DGCR2: variants seen among roughly 807,000 people sequenced by gnomAD.
DGCR2 encodes the protein integral membrane protein DGCR2/IDD.
In DGCR2, 24 loss-of-function variants were observed where a neutral mutation model predicts 51.6. That is an observed-to-expected ratio of 0.47 (90% CI 0.34 to 0.65). The LOEUF is 0.65. Among genes scored for constraint, DGCR2 ranks in the 30% least tolerant of loss-of-function variants. DGCR2 has a pLI of 0.01. For synonymous variants in DGCR2, 340 were observed against 315.4 expected (o/e 1.08, Z -0.82); for missense variants, 765 against 772.1 (o/e 0.99, Z 0.11).
chr22:19,114,411 G>T (rs1364726722), intron 1 of DGCR2, among the ~76,000 whole-genome samples: 1 of 152,238 alleles, frequency 6.6e-6, no homozygotes, highest in African/African-American at 2.4e-5. Flanking sequence ...AGGGTAGATG[G>T]GGAAATCCGA....
intron 1 of DGCR2, among the ~76,000 whole-genome samples, chr22:19,093,253 G>A (rs553667316): frequency 6.6e-6 from 1 of 151,874 alleles, no homozygotes; most frequent in East Asian, 1.9e-4. Flanking sequence ...CCAGCTACTC[G>A]GGAGGCTGAG....
In DGCR2 at chr22:19,037,402, T is replaced by G. The variant is rs1326998166; in HGVS notation, c.*1463A>C. ...GTCAAGAAGTGGACTGTGCATGGAG[T>G]CCATCCCCGAGCAGCACCACAGAAC... is the stretch of plus-strand genomic sequence containing the variant. On this transcript the variant is annotated 3_prime_UTR_variant, in exon 10 of 10. Coordinates refer to ENST00000263196, the MANE Select transcript of DGCR2 (RefSeq NM_005137.3). The G allele has an allele frequency of 1.3e-5, 2 of 151,702 alleles. No individual in the cohort carries two copies. Among genetic ancestry groups the G allele is most frequent in the African/African-American group, 4.8e-5 (2 of 41,242 alleles). 9.4% of individuals were successfully genotyped at this position (151,702 alleles called of 1,614,324 possible). A position where few individuals can be genotyped will look rare whatever the true frequency, so the allele number is the denominator to read the frequency against.
intron 7 of DGCR2, chr22:19,046,083 T>C (rs1423147289): frequency 6.6e-6 from 1 of 152,180 alleles, no homozygotes; most frequent in African/African-American, 2.4e-5. Flanking sequence ...TGCTAGAATT[T>C]TGGTTGGGAT....
intron 1 of DGCR2, among the ~76,000 whole-genome samples, chr22:19,095,977 A>C (rs7292122): frequency 8.2e-4 from 125 of 152,224 alleles, no homozygotes; most frequent in Middle Eastern, 3.4e-3. Flanking sequence ...GGTCCTTTTC[A>C]TAATTATAAA....
chr22:19,103,739 TAAAAAAA>T (rs34046451), intron 1 of DGCR2, among the ~76,000 whole-genome samples: 7 of 78,714 alleles, frequency 8.9e-5, no homozygotes, highest in South Asian at 5.4e-4. Context: ...AAAAAATTCT[TAAAAAAA>T]AAAAAAAAAA....
At chr22:19,039,367 T>C (rs1335268456) in intron 9 of DGCR2, among the ~76,000 whole-genome samples, 2 of 152,004 alleles carry the variant, frequency 1.3e-5, no homozygotes, top group Non-Finnish European at 2.9e-5. Flanking sequence ...GCAGGGCCCA[T>C]CTCACAAAGG....
intron 7 of DGCR2, among the ~76,000 whole-genome samples, chr22:19,044,494 G>C (rs1321991710): frequency 6.6e-6 from 1 of 152,224 alleles, no homozygotes; most frequent in African/African-American, 2.4e-5. Flanking sequence ...CTGAGACCAG[G>C]AACCCAATGT....
rs753836988 is a variant in DGCR2 at position 19,041,182 on chromosome 22, G to T, written c.1272C>A (p.Phe424Leu). ...AGGGAGGTGGAGGGTCGTGGAAATG[G>T]AAAGTCCCACCCTCTCCGTCGTCAG... is the stretch of plus-strand genomic sequence containing the variant. The part of the protein sequence containing the change: ...HLSDDGEGGT[F>L]HFHDPPPPYT... Residue 424 changes from phenylalanine (F) to leucine (L), a missense_variant, in exon 9 of 10, where the codon TTC becomes TTA. By Grantham distance (22) the Phe-to-Leu change is conservative. Transcript: ENST00000263196. The T allele has an allele frequency of 6.2e-7, 1 of 1,613,930 alleles. No homozygotes were observed. Among genetic ancestry groups the T allele is most frequent in the Non-Finnish European group, 8.5e-7 (1 of 1,179,964 alleles).
chr22:19,060,399 C>T (rs1038678516), intron 5 of DGCR2, among the ~76,000 whole-genome samples: 1 of 152,204 alleles, frequency 6.6e-6, no homozygotes, highest in Non-Finnish European at 1.5e-5. Flanking sequence ...AGTCACACAC[C>T]TCCTGACCTC....
intron 2 of DGCR2, among the ~76,000 whole-genome samples, chr22:19,072,742 C>A (rs1483626681): frequency 2.0e-5 from 3 of 152,112 alleles, no homozygotes; most frequent in African/African-American, 7.2e-5. Context: ...GGCGTGGTGG[C>A]ACACACCTGT....
At chr22:19,060,900 A>G (rs2238739) in intron 5 of DGCR2, 236,151 of 512,462 alleles carry the variant, frequency 0.46, 56,852 homozygotes, top group African/African-American at 0.68. Flanking sequence ...TGTGCAGGGT[A>G]CCGACACATG....
intron 7 of DGCR2, chr22:19,047,607 A>AG (rs1222051496): frequency 2.0e-5 from 3 of 152,112 alleles, no homozygotes; most frequent in Non-Finnish European, 2.9e-5. Flanking sequence ...AGAATGACAA[A>AG]GCATGCCCGT....
At chr22:19,110,987 T>C (rs3788291) in intron 1 of DGCR2, among the ~76,000 whole-genome samples, 2,491 of 152,332 alleles carry the variant, frequency 0.016, 89 homozygotes, top group East Asian at 0.062. Context: ...TTCTGTTAAG[T>C]AGTATGTTTT....
intron 1 of DGCR2, among the ~76,000 whole-genome samples, chr22:19,113,697 T>C (rs2083342038): frequency 6.6e-6 from 1 of 152,174 alleles, no homozygotes; most frequent in Non-Finnish European, 1.5e-5. Flanking sequence ...TGAAGGGGTT[T>C]CCACTTGCCA....
Position 19,057,067 on chromosome 22 carries a change from A to C in DGCR2, c.721T>G (p.Phe241Val). The C allele has an allele frequency of 6.2e-7, 1 of 1,602,262 alleles. No homozygotes were observed. The highest frequency in any genetic ancestry group is 8.5e-7 in the Non-Finnish European group (1 of 1,174,528). The change falls in exon 6 of 10, where the codon TTC (phenylalanine) becomes GTC (valine). Residue 241 changes from phenylalanine (F) to valine (V), a missense_variant. Physicochemically the swap from Phe to Val is conservative, Grantham distance 50. Around this residue, in one of 3 missense-constraint regions of DGCR2, gnomAD observed 190 missense variants for 265.2 expected, o/e 0.72. Coordinates refer to ENST00000263196, the MANE Select transcript of DGCR2 (RefSeq NM_005137.3). This position sits in a 1 kb window ranked among gnomAD's most constrained non-coding sequence, Gnocchi z 5.1. ...VFCAQLQCFH[F>V]PTLRHHDLHS... is the part of the protein sequence containing the mutation. ...AGGTCGTGGTGCCGCAGGGTGGGGA[A>C]ATGGAAGCACTGAAGCTGGGCACAG...
chr22:19,058,914 T>C (rs1252373558), intron 5 of DGCR2, among the ~76,000 whole-genome samples: 1 of 152,238 alleles, frequency 6.6e-6, no homozygotes, highest in Non-Finnish European at 1.5e-5. Context: ...GGCACCTGTG[T>C]AGCGCCCCTG....
intron 1 of DGCR2, among the ~76,000 whole-genome samples, chr22:19,094,617 C>T (rs570187898): frequency 4.6e-5 from 7 of 152,274 alleles, no homozygotes; most frequent in Non-Finnish European, 8.8e-5. Context: ...GTATACCTAC[C>T]ATATAATCTG....
intron 6 of DGCR2, among the ~76,000 whole-genome samples, chr22:19,052,841 T>C (rs1032042561): frequency 2.0e-5 from 3 of 152,194 alleles, no homozygotes; most frequent in African/African-American, 2.4e-5. Context: ...CAGGGAATTA[T>C]GAGTGAAAAA....
intron 5 of DGCR2, among the ~76,000 whole-genome samples, chr22:19,058,438 G>A (rs538805433): frequency 3.9e-5 from 6 of 152,140 alleles, no homozygotes; most frequent in Non-Finnish European, 8.8e-5. Context: ...CTCCACTGCT[G>A]ACAGTGGGTG....
Sources: allele counts gnomAD v4.1 joint callset (sites outside exome capture counted in the v4.1 genomes callset), GRCh38; gene constraint gnomAD v4.1.1; regional missense constraint gnomAD v4.1.1; non-coding constraint Gnocchi (gnomAD v3.1); transcripts MANE v1.5; gene names NCBI Gene and HGNC (gene_info 2026-07-23, HGNC 2026-07-21).